Variants in ADAMTSL1 observed in about 807,000 individuals in gnomAD.
ADAMTSL1 encodes ADAMTS like 1.
In ADAMTSL1, 126 loss-of-function variants were observed where a neutral mutation model predicts 201.8. The observed-to-expected ratio is 0.62, with a 90% CI of 0.54 to 0.72. The LOEUF is 0.72. Ranked by LOEUF, ADAMTSL1 falls within the 30% of genes least tolerant of loss-of-function variation. The probability of loss-of-function intolerance (pLI) is 0.00; values close to 1 mark genes in which losing one functional copy is unlikely to be tolerated. For synonymous variants in ADAMTSL1, 1,121 were observed against 903.4 expected, an observed-to-expected ratio of 1.24 and a Z score of -4.32; for missense variants, 2,679 against 2,277.8, an observed-to-expected ratio of 1.18 and a Z score of -3.59.
chr9:18,400,529 C>T lies in ADAMTSL1; in HGVS notation c.208-104300C>T, dbSNP rs1271248692. ...GTATTGCTATGTTTGTGCCTACAAA[C>T]TCAGGAAATCAAGTAAATTTTATTT... On this transcript the variant is annotated intron_variant, in intron 2 of 29. Coordinates refer to the ADAMTSL1 transcript ENST00000680146. Among the ~76,000 whole-genome samples the T allele has an allele frequency of 2.6e-5, 4 of 152,224 alleles. No homozygotes were observed. In the South Asian group the frequency reaches 6.2e-4, roughly 24 times the overall value.
At chr9:17,972,677 C>T (rs1400235012) in intron 1 of ADAMTSL1, among the ~76,000 whole-genome samples, 1 of 151,102 alleles carries the variant, frequency 6.6e-6, no homozygotes, top group Non-Finnish European at 1.5e-5. Flanking sequence ...GGGTATATAC[C>T]CAGTAATGGG....
intron 3 of ADAMTSL1, among the ~76,000 whole-genome samples, chr9:18,545,343 T>C (rs1587519214): frequency 1.3e-5 from 2 of 152,270 alleles, no homozygotes; most frequent in Middle Eastern, 3.4e-3. Context: ...CCGAAGCACA[T>C]GCTCATTTCA....
chr9:18,627,466 TC>T (rs1020878313), intron 5 of ADAMTSL1, among the ~76,000 whole-genome samples: 18 of 152,306 alleles, frequency 1.2e-4, no homozygotes, highest in African/African-American at 4.1e-4. Context: ...ATTTTATGGT[TC>T]TGGGGGCGTC....
rs1820691017 is a variant in ADAMTSL1 at position 18,026,269 on chromosome 9, A to G, written c.87+119347A>G. Among the ~76,000 whole-genome samples, 3 of 152,158 alleles carry G rather than the reference A, an allele frequency of 2.0e-5. No homozygotes were observed. The South Asian group carries it at 6.2e-4, about 32-fold the overall frequency. On this transcript the variant is annotated intron_variant, in intron 1 of 29. Transcript: ENST00000680146. The stretch of plus-strand genomic sequence containing the variant: ...ATACATAGAAGTGGTGAAAATAAGC[A>G]TTCTTGTCTTCTTTCAGTTCTTAAG...
intron 1 of ADAMTSL1, among the ~76,000 whole-genome samples, chr9:18,111,480 T>C (rs113960505): frequency 4.6e-5 from 7 of 152,284 alleles, no homozygotes; most frequent in African/African-American, 1.7e-4. Flanking sequence ...TTTAAACTAT[T>C]TTATGTGCTT....
intron 2 of ADAMTSL1, among the ~76,000 whole-genome samples, chr9:18,462,109 A>G (rs2131712896): frequency 6.6e-6 from 1 of 152,344 alleles, no homozygotes; most frequent in East Asian, 1.9e-4. Flanking sequence ...GAATATGTTT[A>G]CAAATACAGA....
intron 1 of ADAMTSL1, among the ~76,000 whole-genome samples, chr9:18,160,625 C>T (rs1332980397): frequency 6.6e-6 from 1 of 151,678 alleles, no homozygotes; most frequent in Non-Finnish European, 1.5e-5. Flanking sequence ...AATTGGGAAT[C>T]CTGGTCTGAG....
rs563514972 is a variant in ADAMTSL1 at position 18,305,379 on chromosome 9, G to A, written c.207+141398G>A. Among the ~76,000 whole-genome samples the A allele has an allele frequency of 3.3e-5, 5 of 152,250 alleles. No individual in the cohort carries two copies. The South Asian group carries it at 8.3e-4, about 25-fold the overall frequency. On this transcript the variant is annotated intron_variant, in intron 2 of 29. Transcript: ENST00000680146. The stretch of plus-strand genomic sequence containing the variant: ...AGAATCGTTCACTCTCCTAGAAAGG[G>A]GGCTGAAGCCAGGCAGCTAAGTGGT...
intron 20 of ADAMTSL1, among the ~76,000 whole-genome samples, chr9:18,815,398 A>G (rs1823771503): frequency 6.6e-6 from 1 of 151,776 alleles, no homozygotes; most frequent in African/African-American, 2.4e-5. Context: ...AAAGAAAAAG[A>G]ATGAGGACAG....
intron 13 of ADAMTSL1, among the ~76,000 whole-genome samples, chr9:18,697,270 A>G (rs1174202507): frequency 1.3e-5 from 2 of 152,228 alleles, no homozygotes; most frequent in African/African-American, 2.4e-5. Flanking sequence ...AATAAAGTAT[A>G]TATTTTCTAC....
intron 2 of ADAMTSL1, among the ~76,000 whole-genome samples, chr9:18,300,449 T>G (rs4397506): frequency 4.5e-5 from 6 of 132,022 alleles, no homozygotes; most frequent in South Asian, 2.5e-4. Context: ...CATCACACAC[T>G]GGGGCCTGTC....
At chr9:18,775,704 C>T in intron 17 of ADAMTSL1, 39 bp from the exon 18 acceptor site, 4 of 1,602,024 alleles carry the variant, frequency 2.5e-6, no homozygotes, top group Non-Finnish European at 3.4e-6. Context: ...CTTCTAGTTC[C>T]CAGAATTTAT....
chr9:18,548,692 TG>T (rs1482769047), intron 3 of ADAMTSL1, among the ~76,000 whole-genome samples: 3 of 151,992 alleles, frequency 2.0e-5, no homozygotes, highest in Non-Finnish European at 4.4e-5. Context: ...AGAACGTAAG[TG>T]ACACAAATAA....
rs1824554044 is a variant in ADAMTSL1 at position 18,826,286 on chromosome 9, G to A, written c.3937G>A (p.Val1313Met). ...TTGTTTTTTTTTTTTCTTCCTAGGA[G>A]TGCCTGAAGCTGAAGTCACTTGGTT... ...NVTINCQVAG[V>M]PEAEVTWFRN... The change falls in exon 22 of 29, where the codon GTG (valine) becomes ATG (methionine). Residue 1313 changes from valine to methionine, a missense_variant and splice_region_variant. Coordinates refer to ENST00000380548, the MANE Select transcript of ADAMTSL1 (RefSeq NM_001040272.6). 6.2e-7 allele frequency: 1 copy of A among 1,609,342 alleles called. No homozygotes were observed. Among genetic ancestry groups the A allele is most frequent in the Non-Finnish European group, 8.5e-7 (1 of 1,178,214 alleles).
At chr9:18,680,660 A>G in intron 11 of ADAMTSL1, 144 bp downstream of exon 11, 1 of 808,146 alleles carries the variant, frequency 1.2e-6, no homozygotes, top group Non-Finnish European at 2.0e-6. Context: ...TGGAGTAGGA[A>G]TGCCCCAAAT....
At chr9:18,514,689 C>T (rs1818260521) in intron 2 of ADAMTSL1, among the ~76,000 whole-genome samples, 1 of 152,146 alleles carries the variant, frequency 6.6e-6, no homozygotes, top group African/African-American at 2.4e-5. Context: ...ATTAGTCTTT[C>T]GTGAAGTATT....
intron 2 of ADAMTSL1, among the ~76,000 whole-genome samples, chr9:18,314,702 T>C (rs1485759017): frequency 2.0e-5 from 3 of 150,114 alleles, no homozygotes; most frequent in African/African-American, 7.3e-5. Flanking sequence ...GCAAGGTTTA[T>C]CTCGAAGAGC....
chr9:18,595,596 G>C (rs535433041), intron 4 of ADAMTSL1, among the ~76,000 whole-genome samples: 36 of 152,332 alleles, frequency 2.4e-4, no homozygotes, highest in African/African-American at 5.8e-4. Flanking sequence ...AGACTGCCAG[G>C]CTTGACGTAT....
At chr9:18,243,029 C>T (rs1831128195) in intron 2 of ADAMTSL1, among the ~76,000 whole-genome samples, 1 of 151,984 alleles carries the variant, frequency 6.6e-6, no homozygotes, top group African/African-American at 2.4e-5. Flanking sequence ...CCCTGAATAG[C>T]CAAAATGTTT....
Sources: allele counts gnomAD v4.1 joint callset (sites outside exome capture counted in the v4.1 genomes callset), GRCh38; gene constraint gnomAD v4.1.1; transcripts MANE v1.5; gene names NCBI Gene and HGNC (gene_info 2026-07-23, HGNC 2026-07-21).